The following STXBP6 variants were observed in gnomAD, a reference collection of about 807,000 sequenced individuals.
The protein encoded by STXBP6 is syntaxin-binding protein 6.
Under a neutral mutation model 26.9 loss-of-function variants are expected in STXBP6, and 21 were observed. That is an observed-to-expected ratio of 0.78 (90% CI 0.55 to 1.12). The LOEUF is 1.12. STXBP6 is among the 50% of genes most tolerant of loss of function. The probability of loss-of-function intolerance (pLI) is 0.00; values close to 1 mark genes in which losing one functional copy is unlikely to be tolerated. For synonymous variants in STXBP6, 97 were observed against 92.6 expected (o/e 1.05, Z -0.27); for missense variants, 232 against 257.9 (o/e 0.90, Z 0.69).
rs1027800691 is a variant in STXBP6 at position 25,008,411 on chromosome 14, G to A, written c.-32-33561C>T. 2.0e-5 allele frequency among the ~76,000 whole-genome samples: 3 copies of A among 152,130 alleles called. No individual in the cohort carries two copies. In the East Asian group the frequency reaches 5.8e-4, roughly 29 times the overall value. On this transcript the variant is annotated intron_variant, in intron 1 of 5. Transcript: ENST00000323944. ...AAGTGGGAGGATTGCTTGAGCCCAA[G>A]AGGTCGAGGCTGTAGTGAGCCATGA...
intron 1 of STXBP6, chr14:24,987,762 C>G: frequency 1.2e-6 from 1 of 863,612 alleles, no homozygotes; most frequent in East Asian, 1.2e-4. Flanking sequence ...TCAAGTCTTT[C>G]CCACTGTGAG....
chr14:24,925,127 C>A (rs1019446298), intron 2 of STXBP6, among the ~76,000 whole-genome samples: 2 of 152,204 alleles, frequency 1.3e-5, no homozygotes, highest in Non-Finnish European at 2.9e-5. Flanking sequence ...GGTGAGACTT[C>A]ACCTTACAGG....
chr14:24,886,790 A>G (rs1261419813), intron 2 of STXBP6, among the ~76,000 whole-genome samples: 2 of 152,222 alleles, frequency 1.3e-5, no homozygotes, highest in Admixed American at 1.3e-4. Flanking sequence ...AAACACCAAT[A>G]AAGCAATTGA....
At chr14:24,964,681 G>GTGTA (rs1491203397) in intron 2 of STXBP6, among the ~76,000 whole-genome samples, 1 of 150,464 alleles carries the variant, frequency 6.6e-6, no homozygotes, top group African/African-American at 2.5e-5. Context: ...GTGTGTGTGT[G>GTGTA]TATGTAAAGG....
At chr14:25,022,194 C>T (rs901975939) in intron 1 of STXBP6, among the ~76,000 whole-genome samples, 2 of 152,238 alleles carry the variant, frequency 1.3e-5, no homozygotes, top group African/African-American at 4.8e-5. Flanking sequence ...CATAGTGGCC[C>T]AGGGTTAATC....
Position 24,819,174 on chromosome 14 carries a change from C to A in STXBP6, c.472G>T (p.Ala158Ser), listed in dbSNP as rs767401930. 1 of 1,613,994 alleles carries A rather than the reference C, an allele frequency of 6.2e-7. No homozygotes were observed. Among genetic ancestry groups the A allele is most frequent in the Non-Finnish European group, 8.5e-7 (1 of 1,180,010 alleles). The change falls in exon 5 of 6, where the codon GCT becomes TCT. Residue 158 changes from alanine (A) to serine (S), a missense_variant. By Grantham distance (99) the Ala-to-Ser change is moderately conservative. Coordinates refer to ENST00000323944, the MANE Select transcript of STXBP6 (RefSeq NM_001394410.1). ...ACTGCGCTGGTCACGCTGTCAGCAG[C>A]TGAATGGAGGATGCTGTTTCCTGAA... is the stretch of plus-strand genomic sequence containing the variant. The part of the protein sequence containing the change: ...IMGGNSILHS[A>S]ADSVTSAVQK...
At chr14:24,892,200 TA>T (rs949482831) in intron 2 of STXBP6, among the ~76,000 whole-genome samples, 2 of 126,438 alleles carry the variant, frequency 1.6e-5, no homozygotes, top group Non-Finnish European at 3.6e-5. Flanking sequence ...ATGTATACAT[TA>T]TTTTTTTTTT....
At chr14:24,845,072 C>T (rs1452411753) in intron 4 of STXBP6, among the ~76,000 whole-genome samples, 1 of 150,406 alleles carries the variant, frequency 6.6e-6, no homozygotes, top group African/African-American at 2.5e-5. Flanking sequence ...AATGCAGTGG[C>T]GTGATCTCAG....
At chr14:24,858,300 T>C (rs1397700803) in intron 2 of STXBP6, among the ~76,000 whole-genome samples, 1 of 151,998 alleles carries the variant, frequency 6.6e-6, no homozygotes, top group Non-Finnish European at 1.5e-5. Context: ...TCGGGGGCCA[T>C]TAAAGCAGGA....
chr14:25,014,549 G>GT (rs1235741720), intron 1 of STXBP6, among the ~76,000 whole-genome samples: 1 of 152,216 alleles, frequency 6.6e-6, no homozygotes, highest in East Asian at 1.9e-4. Context: ...CACCTATACT[G>GT]TGAGATGCTG....
chr14:24,820,509 T>C (rs887759570), intron 4 of STXBP6, among the ~76,000 whole-genome samples: 6 of 152,182 alleles, frequency 3.9e-5, no homozygotes, highest in Non-Finnish European at 8.8e-5. Context: ...TGAACCAAGA[T>C]AAATCAGCAC....
chr14:25,043,451 T>A (rs528458442), intron 1 of STXBP6, among the ~76,000 whole-genome samples: 117 of 152,294 alleles, frequency 7.7e-4, no homozygotes, highest in African/African-American at 2.7e-3. Flanking sequence ...TTTTAAAAAA[T>A]TTAATAATTC....
At chr14:24,923,961 T>C (rs916399007) in intron 2 of STXBP6, among the ~76,000 whole-genome samples, 1 of 152,194 alleles carries the variant, frequency 6.6e-6, no homozygotes, top group African/African-American at 2.4e-5. Context: ...CCTTTTGTAG[T>C]TGTTCAAGAA....
At chr14:24,955,273 C>T (rs1277318087) in intron 2 of STXBP6, among the ~76,000 whole-genome samples, 1 of 152,108 alleles carries the variant, frequency 6.6e-6, no homozygotes, top group African/African-American at 2.4e-5. Context: ...AGTGATCAAC[C>T]TCCTGGGGAT....
chr14:25,015,798 AG>A (rs1364355981), intron 1 of STXBP6, among the ~76,000 whole-genome samples: 3 of 141,486 alleles, frequency 2.1e-5, no homozygotes, highest in African/African-American at 5.9e-5. Context: ...AACAACAACA[AG>A]GAAAAAAAAA....
intron 2 of STXBP6, among the ~76,000 whole-genome samples, chr14:24,887,429 A>G (rs1832267061): frequency 6.6e-6 from 1 of 152,174 alleles, no homozygotes; most frequent in African/African-American, 2.4e-5. Flanking sequence ...TTTTAGAGGA[A>G]ATTCACTCTC....
intron 2 of STXBP6, among the ~76,000 whole-genome samples, chr14:24,954,616 G>GC (rs1435861118): frequency 4.6e-5 from 7 of 152,210 alleles, no homozygotes; most frequent in African/African-American, 1.4e-4. Context: ...TGTGGAACAA[G>GC]CATGTGCAGG....
At chr14:24,996,141 AAAGT>A (rs369682779) in intron 1 of STXBP6, among the ~76,000 whole-genome samples, 2 of 152,216 alleles carry the variant, frequency 1.3e-5, no homozygotes, top group South Asian at 4.1e-4. Flanking sequence ...TTCATGGGTA[AAAGT>A]AATAAACCTA....
chr14:24,882,083 A>G (rs1452664901), intron 2 of STXBP6, among the ~76,000 whole-genome samples: 7 of 151,992 alleles, frequency 4.6e-5, no homozygotes, highest in Non-Finnish European at 1.0e-4. Flanking sequence ...GTGACTGAGC[A>G]TAAGAGGGGC....
Sources: allele counts gnomAD v4.1 joint callset (sites outside exome capture counted in the v4.1 genomes callset), GRCh38; gene constraint gnomAD v4.1.1; transcripts MANE v1.5; gene names NCBI Gene and HGNC (gene_info 2026-07-23, HGNC 2026-07-21).